MTMR10: variants seen among roughly 807,000 people sequenced by gnomAD.
MTMR10 encodes myotubularin-related protein 10.
Under a neutral mutation model 88.1 loss-of-function variants are expected in MTMR10, and 56 were observed. The observed-to-expected ratio is 0.64, with a 90% CI of 0.51 to 0.79. MTMR10 has a LOEUF of 0.79. MTMR10 is among the 30% of genes least tolerant of loss of function. The pLI, the probability that MTMR10 is intolerant of heterozygous loss-of-function variation, is 0.00. For synonymous variants in MTMR10, 380 were observed against 340.9 expected (o/e 1.11, Z -1.26); for missense variants, 883 against 924.7 (o/e 0.95, Z 0.58).
chr15:30,946,808 TTTTG>T (rs1372932361), intron 14 of MTMR10: 5 of 695,778 alleles, frequency 7.2e-6, no homozygotes, highest in South Asian at 1.5e-5. Context: ...GTAACAGGGC[TTTTG>T]TTTTTTACTA....
intron 2 of MTMR10, 69 bp from the exon 3 acceptor site, chr15:30,977,024 A>G (rs2030204076): frequency 6.7e-7 from 1 of 1,482,614 alleles, no homozygotes; most frequent in Admixed American, 1.8e-5. Flanking sequence ...TGGGACCTAG[A>G]AGGAGTGTTT....
downstream of MTMR10, chr15:30,937,353 C>T (rs1334874131): frequency 8.2e-7 from 1 of 1,217,210 alleles, no homozygotes; most frequent in Non-Finnish European, 1.1e-6. Flanking sequence ...GCATTATAAA[C>T]CTGATAGTTT....
chr15:30,989,209 T>C (rs2031149873), intron 2 of MTMR10, among the ~76,000 whole-genome samples: 1 of 152,040 alleles, frequency 6.6e-6, no homozygotes, highest in Non-Finnish European at 1.5e-5. Context: ...CCCTGCATTT[T>C]AAATGCTCAG....
At chr15:30,920,574 G>A in the MTMR10 span, 57 of 1,609,830 alleles carry the variant, frequency 3.5e-5, no homozygotes, top group African/African-American at 1.3e-4. Context: ...CTCTTCCTGC[G>A]GTGTTTCACT....
chr15:30,942,659 A>C (rs926063757), intron 15 of MTMR10: 1 of 486,910 alleles, frequency 2.1e-6, no homozygotes, highest in Non-Finnish European at 3.6e-6. Flanking sequence ...TCAGGCTTGC[A>C]GGCTCAAAGC....
At chr15:30,974,490 G>T in intron 4 of MTMR10, 34 bp from the exon 5 acceptor site, 1 of 1,470,572 alleles carries the variant, frequency 6.8e-7, no homozygotes, top group Non-Finnish European at 9.1e-7. Context: ...AAAATAAAAT[G>T]CGTAACAGTT....
intron 12 of MTMR10, chr15:30,949,908 A>C (rs1049293389): frequency 6.6e-6 from 1 of 152,228 alleles, no homozygotes; most frequent in Admixed American, 6.5e-5. Flanking sequence ...AATGCCCAGA[A>C]AGGGAAAATC....
At chr15:30,956,524 T>C (rs1432281430) in intron 9 of MTMR10, among the ~76,000 whole-genome samples, 1 of 152,040 alleles carries the variant, frequency 6.6e-6, no homozygotes, top group East Asian at 1.9e-4. Flanking sequence ...AGAGAAGCAA[T>C]GTAAAGATCT....
At chr15:30,925,269 T>A in the MTMR10 span, 1 of 1,614,080 alleles carries the variant, frequency 6.2e-7, no homozygotes, top group Non-Finnish European at 8.5e-7. Context: ...CTCCCAGAAA[T>A]GGCTGTGCAA....
intron 13 of MTMR10, among the ~76,000 whole-genome samples, chr15:30,947,615 T>A (rs773924071): frequency 6.6e-6 from 1 of 152,204 alleles, no homozygotes; most frequent in Non-Finnish European, 1.5e-5. Flanking sequence ...GAAACAATTC[T>A]TTAGATTATA....
the MTMR10 span, chr15:30,928,506 TTGTGTGTG>T: frequency 8.2e-4 from 1,213 of 1,484,580 alleles, 4 homozygotes; most frequent in Middle Eastern, 0.02. Context: ...AAAACAGATT[TTGTGTGTG>T]TGTGTGTGTG....
At chr15:30,931,904 A>C in the MTMR10 span, among the ~76,000 whole-genome samples, 2 of 147,040 alleles carry the variant, frequency 1.4e-5, no homozygotes, top group African/African-American at 5.3e-5. Flanking sequence ...TTATAACATC[A>C]AATTTTAAGT....
the MTMR10 span, chr15:30,928,375 T>G: frequency 7.0e-7 from 1 of 1,427,192 alleles, no homozygotes; most frequent in East Asian, 2.6e-5. Context: ...AACAACATAC[T>G]GTATAAAATA....
chr15:30,963,692 G>GATAA (rs545981570), intron 6 of MTMR10, among the ~76,000 whole-genome samples: 58 of 151,646 alleles, frequency 3.8e-4, no homozygotes, highest in Non-Finnish European at 5.0e-4. Context: ...TAGATAGATA[G>GATAA]TAAAATGCTC....
chr15:30,930,512 A>C, the MTMR10 span: 1 of 1,563,116 alleles, frequency 6.4e-7, no homozygotes, highest in Non-Finnish European at 8.6e-7. Context: ...TCACGAGGGA[A>C]GTGGCTAACT....
chr15:30,948,279 A>C (rs2063199187), intron 13 of MTMR10, 23 bp downstream of exon 13: 1 of 1,597,168 alleles, frequency 6.3e-7, no homozygotes, highest in Admixed American at 1.8e-5. Context: ...AAGACTGATA[A>C]AAAGGCATCA....
Position 30,943,018 on chromosome 15 carries a change from G to A in MTMR10, c.1603C>T (p.Pro535Ser), listed in dbSNP as rs1178392598. ...QLGDEKGLKFPSVWDWSLQFT... is the reference protein window; with the variant it reads ...QLGDEKGLKFSSVWDWSLQFT... ...TGGAGAGACCAGTCCCAAACAGAGG[G>A]GAATTTTAAGCCCTTCTCATCACCC... is the stretch of plus-strand genomic sequence containing the variant. The change falls in exon 15 of 16, where the codon CCC becomes TCC. Residue 535 changes from proline to serine, a missense_variant. By Grantham distance (74) the Pro-to-Ser change is moderately conservative. This residue lies in a region of MTMR10 where 343 missense variants were observed against 323.2 expected (regional missense o/e 1.06). Transcript: ENST00000435680. 1 of 1,551,298 alleles carries A rather than the reference G, an allele frequency of 6.4e-7. No individual in the cohort carries two copies. The highest frequency in any genetic ancestry group is 2.4e-5 in the East Asian group (1 of 40,954).
At chr15:30,982,200 A>T (rs2030628519) in intron 2 of MTMR10, among the ~76,000 whole-genome samples, 1 of 152,224 alleles carries the variant, frequency 6.6e-6, no homozygotes, top group Non-Finnish European at 1.5e-5. Flanking sequence ...AGACACGACA[A>T]CTAAATGCTA....
At chr15:30,943,895 A>G in intron 14 of MTMR10, 1 of 985,452 alleles carries the variant, frequency 1.0e-6, no homozygotes. Context: ...TGATGGCAGC[A>G]GGCTACCACA....
Sources: allele counts gnomAD v4.1 joint callset (sites outside exome capture counted in the v4.1 genomes callset), GRCh38; gene constraint gnomAD v4.1.1; regional missense constraint gnomAD v4.1.1; transcripts MANE v1.5; gene names NCBI Gene and HGNC (gene_info 2026-07-23, HGNC 2026-07-21).